NNT: variants seen among roughly 807,000 people sequenced by gnomAD.
NNT encodes the protein NAD(P) transhydrogenase, mitochondrial.
A neutral mutation model predicts 104.8 loss-of-function variants in NNT; 50 were observed. The ratio of observed to expected loss-of-function variants is 0.48; its 90% CI spans 0.38 to 0.60. The LOEUF is 0.60. Among genes scored for constraint, NNT ranks in the 20% least tolerant of loss-of-function variants. The pLI, the probability that NNT is intolerant of heterozygous loss-of-function variation, is 0.00. For synonymous variants in NNT, 461 were observed against 490.4 expected, an observed-to-expected ratio of 0.94 and a Z score of 0.79; for missense variants, 1,131 against 1,330.7, an observed-to-expected ratio of 0.85 and a Z score of 2.33.
chr5:43,653,680 G>C (rs1739889245), intron 14 of NNT: 1 of 152,774 alleles, frequency 6.5e-6, no homozygotes, highest in African/African-American at 2.4e-5. Flanking sequence ...TTTAGGCTGG[G>C]CATGGTGGCT....
Position 43,615,882 on chromosome 5 carries a change from T to C in NNT, c.416T>C (p.Val139Ala), listed in dbSNP as rs1188964271. ...CCTATGGTTAATCCAACATTAGGTGTTCATGAAGCTGACCTTTTAAAGACA... is the reference window on the plus strand; with the variant it reads ...CCTATGGTTAATCCAACATTAGGTGCTCATGAAGCTGACCTTTTAAAGACA... ...RAPMVNPTLG[V>A]HEADLLKTSG... The change falls in exon 4 of 22, where the codon GTT becomes GCT. Residue 139 changes from valine to alanine, a missense_variant. Coordinates refer to ENST00000344920, the MANE Select transcript of NNT (RefSeq NM_182977.3). The C allele has an allele frequency of 6.2e-7, 1 of 1,614,194 alleles. No individual in the cohort carries two copies. Among genetic ancestry groups the C allele is most frequent in the East Asian group, 2.2e-5 (1 of 44,888 alleles).
chr5:43,644,529 A>T, intron 8 of NNT, 82 bp from the exon 9 acceptor site: 1 of 1,273,534 alleles, frequency 7.9e-7, no homozygotes, highest in Non-Finnish European at 1.1e-6. Context: ...AAAACTTAGC[A>T]TTGAATATGA....
Position 43,706,976 on chromosome 5 carries a change from G to T in NNT, c.*2572G>T, listed in dbSNP as rs1188555036. The T allele has an allele frequency of 4.6e-5, 7 of 152,120 alleles. No individual in the cohort carries two copies. Among genetic ancestry groups the T allele is most frequent in the Admixed American group, 2.0e-4 (3 of 15,260 alleles). 9.4% of individuals were successfully genotyped at this position (152,120 alleles called of 1,614,324 possible). Reference sequence around the variant, plus strand: ...CACACACCAGGGCCTGTCATGGGGTGGGGGGAGTGGGGAGGGATAGCATTA... The same window carrying T: ...CACACACCAGGGCCTGTCATGGGGTTGGGGGAGTGGGGAGGGATAGCATTA... On this transcript the variant is annotated 3_prime_UTR_variant, in exon 22 of 22. Coordinates refer to ENST00000344920, the MANE Select transcript of NNT (RefSeq NM_182977.3).
At chr5:43,630,839 C>A (rs551016929) in intron 7 of NNT, among the ~76,000 whole-genome samples, 52 of 152,162 alleles carry the variant, frequency 3.4e-4, no homozygotes, top group African/African-American at 1.1e-3. Context: ...ATAATGAGAG[C>A]TTAAAGGGTT....
chr5:43,687,918 A>G (rs1742066072), intron 19 of NNT, among the ~76,000 whole-genome samples: 1 of 152,230 alleles, frequency 6.6e-6, no homozygotes. Flanking sequence ...TAATTTAAAG[A>G]TGACAAAAAC....
intron 17 of NNT, among the ~76,000 whole-genome samples, chr5:43,670,559 C>T (rs910843341): frequency 6.6e-6 from 1 of 152,198 alleles, no homozygotes; most frequent in African/African-American, 2.4e-5. Context: ...CATTCAGGAG[C>T]AGGTTGCTCA....
Position 43,605,254 on chromosome 5 carries a change from C to G in NNT, c.-54+1960C>G, listed in dbSNP as rs898853399. On this transcript the variant is annotated intron_variant, in intron 1 of 21. Coordinates refer to ENST00000344920, the MANE Select transcript of NNT (RefSeq NM_182977.3). Reference sequence around the variant, plus strand: ...CTTTTGGGCCGGGCGCGGTGGCTCACGCCTGTAATCCCAGCACTTTGGGAG... The same window carrying G: ...CTTTTGGGCCGGGCGCGGTGGCTCAGGCCTGTAATCCCAGCACTTTGGGAG... Among the ~76,000 whole-genome samples the G allele has an allele frequency of 1.7e-4, 26 of 152,056 alleles. 1 individual carries two copies. Among genetic ancestry groups the G allele is most frequent in the Admixed American group, 3.3e-4 (5 of 15,272 alleles).
At chr5:43,681,327 C>G (rs1365942932) in intron 19 of NNT, among the ~76,000 whole-genome samples, 1 of 148,894 alleles carries the variant, frequency 6.7e-6, no homozygotes, top group East Asian at 2.0e-4. Flanking sequence ...GATTTTCTTT[C>G]TATAAATCAT....
At chr5:43,609,918 T>G (rs1749416714) in intron 2 of NNT, among the ~76,000 whole-genome samples, 1 of 152,222 alleles carries the variant, frequency 6.6e-6, no homozygotes, top group South Asian at 2.1e-4. Flanking sequence ...TCACCTGTAC[T>G]GATGCACCAG....
intron 19 of NNT, among the ~76,000 whole-genome samples, chr5:43,694,738 T>TTGTG (rs61079918): frequency 0.13 from 18,466 of 137,770 alleles, 1,319 homozygotes; most frequent in African/African-American, 0.19. Context: ...GGCCTAAAGT[T>TTGTG]TGTGTGTGTG....
In NNT at chr5:43,628,372, A is replaced by G. The variant is rs1750480170; in HGVS notation, c.949A>G (p.Thr317Ala). 1 of 1,605,614 alleles carries G rather than the reference A, an allele frequency of 6.2e-7. No homozygotes were observed. The change falls in exon 7 of 22, where the codon ACA becomes GCA. Residue 317 changes from threonine (T) to alanine (A), a missense_variant. By Grantham distance (58) the Thr-to-Ala change is moderately conservative. Coordinates refer to ENST00000344920, the MANE Select transcript of NNT (RefSeq NM_182977.3). ...CAAGGAGGTAGACATCCTTATCAGC[A>G]CAGCACTTATTCCAGGTATGCCATT... ...QCKEVDILIS[T>A]ALIPGKKAPV...
intron 5 of NNT, among the ~76,000 whole-genome samples, chr5:43,620,722 C>A (rs374121771): frequency 2.0e-5 from 3 of 152,146 alleles, no homozygotes; most frequent in East Asian, 1.9e-4. Flanking sequence ...ACAACACAGA[C>A]GTGAGATGTA....
chr5:43,631,979 A>G (rs1002559130), intron 7 of NNT, among the ~76,000 whole-genome samples: 3 of 151,852 alleles, frequency 2.0e-5, no homozygotes, highest in African/African-American at 7.3e-5. Context: ...GAAAAAAAAA[A>G]AAAAAAAAAG....
chr5:43,690,976 C>A (rs1234703482), intron 19 of NNT, among the ~76,000 whole-genome samples: 1 of 151,956 alleles, frequency 6.6e-6, no homozygotes. Flanking sequence ...CTCTTCTGTG[C>A]AAATAAGAAA....
chr5:43,644,894 C>CTTA (rs1751417083), intron 9 of NNT, 92 bp downstream of exon 9: 6 of 1,067,530 alleles, frequency 5.6e-6, no homozygotes, highest in Non-Finnish European at 8.0e-6. Flanking sequence ...GGAATTGAGA[C>CTTA]ATATTTTAAT....
chr5:43,629,221 A>T (rs1404734249), intron 7 of NNT, among the ~76,000 whole-genome samples: 2 of 151,740 alleles, frequency 1.3e-5, no homozygotes, highest in African/African-American at 2.4e-5. Context: ...CACTTTTAAC[A>T]ATGTTTAGTT....
chr5:43,697,546 C>T (rs1311948037), intron 19 of NNT, among the ~76,000 whole-genome samples: 1 of 152,200 alleles, frequency 6.6e-6, no homozygotes, highest in African/African-American at 2.4e-5. Context: ...CAGCACCTTA[C>T]ACCCAGTACC....
At chr5:43,624,809 T>C (rs1750279729) in intron 6 of NNT, among the ~76,000 whole-genome samples, 1 of 152,234 alleles carries the variant, frequency 6.6e-6, no homozygotes, top group Non-Finnish European at 1.5e-5. Context: ...TGTGTTTTAA[T>C]AATTTTTGAG....
At chr5:43,695,131 C>T (rs1380155986) in intron 19 of NNT, among the ~76,000 whole-genome samples, 2 of 152,056 alleles carry the variant, frequency 1.3e-5, no homozygotes, top group East Asian at 3.9e-4. Context: ...ATGTATTTTT[C>T]CTCCAATTAC....
Sources: allele counts gnomAD v4.1 joint callset (sites outside exome capture counted in the v4.1 genomes callset), GRCh38; gene constraint gnomAD v4.1.1; transcripts MANE v1.5; gene names NCBI Gene and HGNC (gene_info 2026-07-23, HGNC 2026-07-21).